HHAT: variants seen among roughly 807,000 people sequenced by gnomAD.
HHAT encodes the protein protein-cysteine N-palmitoyltransferase HHAT.
In HHAT, 47 loss-of-function variants were observed where a neutral mutation model predicts 70.8. The observed-to-expected ratio is 0.66, with a 90% CI of 0.53 to 0.85. HHAT has a LOEUF of 0.85. Among genes scored for constraint, HHAT ranks in the 40% least tolerant of loss-of-function variants. HHAT has a pLI of 0.00. For missense variants in HHAT, 609 were observed against 604.8 expected (o/e 1.01, Z -0.07); for synonymous variants, 228 against 247.6 (o/e 0.92, Z 0.74).
At chr1:210,583,770 A>AG (rs1659776984) in intron 9 of HHAT, among the ~76,000 whole-genome samples, 2 of 152,074 alleles carry the variant, frequency 1.3e-5, no homozygotes, top group Admixed American at 6.5e-5. Flanking sequence ...GCAAAGTAAC[A>AG]GCCATGGTTC....
intron 8 of HHAT, among the ~76,000 whole-genome samples, chr1:210,511,804 T>C (rs2094958072): frequency 7.5e-6 from 1 of 134,032 alleles, no homozygotes; most frequent in African/African-American, 2.7e-5. Flanking sequence ...TTTTTTTTTT[T>C]TTTGAGATGG....
chr1:210,550,928 A>C (rs1573247463), intron 9 of HHAT, among the ~76,000 whole-genome samples: 1 of 144,570 alleles, frequency 6.9e-6, no homozygotes, highest in Non-Finnish European at 1.5e-5. Context: ...TTGGCCTCCC[A>C]AAGCTCTAGG....
chr1:210,465,617 C>G (rs1424886024), intron 8 of HHAT, among the ~76,000 whole-genome samples: 6 of 152,184 alleles, frequency 3.9e-5, no homozygotes, highest in Non-Finnish European at 7.4e-5. Context: ...GGATCACAGG[C>G]TTATTCATTC....
chr1:210,393,937 G>C (rs1374539011), intron 4 of HHAT, among the ~76,000 whole-genome samples: 5 of 152,114 alleles, frequency 3.3e-5, no homozygotes, highest in East Asian at 1.9e-4. Flanking sequence ...TCACCACCTG[G>C]ACTAAGTGTT....
chr1:210,347,985 AAG>A (rs1209275085), intron 1 of HHAT, among the ~76,000 whole-genome samples: 1 of 152,212 alleles, frequency 6.6e-6, no homozygotes, highest in East Asian at 1.9e-4. Context: ...GATGTGTAAG[AAG>A]AGAGACTGAA....
At chr1:210,402,676 C>T (rs1358972801) in intron 5 of HHAT, among the ~76,000 whole-genome samples, 3 of 152,236 alleles carry the variant, frequency 2.0e-5, no homozygotes, top group Non-Finnish European at 4.4e-5. Flanking sequence ...CTGCACACAC[C>T]TATCCCTTCC....
chr1:210,608,239 A>G (rs1343034601), intron 10 of HHAT, among the ~76,000 whole-genome samples: 2 of 152,336 alleles, frequency 1.3e-5, no homozygotes, highest in Admixed American at 1.3e-4. Context: ...ACTAAGGTCC[A>G]TGAGCCAGAT....
At chr1:210,377,870 C>T (rs2090347162) in intron 3 of HHAT, among the ~76,000 whole-genome samples, 1 of 152,166 alleles carries the variant, frequency 6.6e-6, no homozygotes, top group Non-Finnish European at 1.5e-5. Context: ...CATCCCTGCC[C>T]TTGCAAGCAA....
At chr1:210,334,177 C>CTTTTTTTTTTT (rs1342123521) in intron 1 of HHAT, among the ~76,000 whole-genome samples, 20 of 34,540 alleles carry the variant, frequency 5.8e-4, no homozygotes, top group African/African-American at 3.0e-3. Context: ...TTTAGCGTGT[C>CTTTTTTTTTTT]ATTTTTTTTT....
chr1:210,411,628 G>A (rs1165948242), intron 6 of HHAT, among the ~76,000 whole-genome samples: 2 of 152,092 alleles, frequency 1.3e-5, no homozygotes, highest in Admixed American at 1.3e-4. Flanking sequence ...GGTGGTACAT[G>A]CCTGTAGTCC....
At chr1:210,392,644 C>G (rs1021692626) in intron 4 of HHAT, among the ~76,000 whole-genome samples, 1 of 152,162 alleles carries the variant, frequency 6.6e-6, no homozygotes, top group African/African-American at 2.4e-5. Context: ...GAGATAGAGT[C>G]TTGCTGGTCT....
intron 11 of HHAT, among the ~76,000 whole-genome samples, chr1:210,672,922 C>T (rs1680376478): frequency 6.6e-6 from 1 of 152,158 alleles, no homozygotes; most frequent in Non-Finnish European, 1.5e-5. Context: ...TTGAGATTTA[C>T]TATGGGACTC....
intron 8 of HHAT, among the ~76,000 whole-genome samples, chr1:210,472,155 G>GCACA (rs996397226): frequency 2.0e-5 from 3 of 152,006 alleles, no homozygotes; most frequent in Non-Finnish European, 4.4e-5. Context: ...GTTTGTGCAC[G>GCACA]CACACACACT....
At chr1:210,386,731 C>T (rs1054152070) in intron 3 of HHAT, among the ~76,000 whole-genome samples, 3 of 152,126 alleles carry the variant, frequency 2.0e-5, no homozygotes, top group Admixed American at 2.0e-4. Context: ...GAGGCCATGA[C>T]TTTGAGGTGC....
intron 3 of HHAT, chr1:210,374,040 T>G (rs1001611534): frequency 1.3e-5 from 2 of 152,228 alleles, no homozygotes; most frequent in Non-Finnish European, 2.9e-5. Flanking sequence ...AAGAGTTAAC[T>G]GTCTTTGCAA....
At chr1:210,474,025 A>G (rs558402668) in intron 8 of HHAT, among the ~76,000 whole-genome samples, 3 of 152,208 alleles carry the variant, frequency 2.0e-5, no homozygotes, top group South Asian at 2.1e-4. Flanking sequence ...TTTCCTGTAT[A>G]ATTTCTGCCT....
chr1:210,373,465 C>T (rs956328196), intron 3 of HHAT, among the ~76,000 whole-genome samples: 2 of 152,062 alleles, frequency 1.3e-5, no homozygotes, highest in Non-Finnish European at 2.9e-5. Context: ...AAGGTAAGAG[C>T]GAGATCACAG....
At chr1:210,542,458 G>A (rs976030166) in intron 9 of HHAT, among the ~76,000 whole-genome samples, 1 of 151,302 alleles carries the variant, frequency 6.6e-6, no homozygotes, top group East Asian at 1.9e-4. Flanking sequence ...GTAAAATTTG[G>A]ACAGTTTTTG....
chr1:210,515,799 G>A (rs1283569866), intron 9 of HHAT, among the ~76,000 whole-genome samples: 1 of 151,040 alleles, frequency 6.6e-6, no homozygotes, highest in African/African-American at 2.4e-5. Flanking sequence ...CAGGTGCAGT[G>A]GCTCATGCCT....
Sources: allele counts gnomAD v4.1 joint callset (sites outside exome capture counted in the v4.1 genomes callset), GRCh38; gene constraint gnomAD v4.1.1; transcripts MANE v1.5; gene names NCBI Gene and HGNC (gene_info 2026-07-23, HGNC 2026-07-21).